The following QKI variants were observed in gnomAD, a reference collection of about 807,000 sequenced individuals.
The protein encoded by QKI is QKI, KH domain containing RNA binding.
Under a neutral mutation model 39.0 loss-of-function variants are expected in QKI, and 10 were observed. That is an observed-to-expected ratio of 0.26 (90% confidence interval 0.16 to 0.43). The LOEUF (loss-of-function observed/expected upper bound fraction) is 0.43, where lower values mean the gene tolerates loss of function less well. QKI is among the 20% of genes least tolerant of loss of function. The pLI is 1.00. For synonymous variants in QKI, 204 were observed against 155.4 expected, an observed-to-expected ratio of 1.31 and a Z score of -2.33; for missense variants, 218 against 428.0, an observed-to-expected ratio of 0.51 and a Z score of 4.33.
chr6:163,560,432 C>T (rs1471194846), intron 4 of QKI, among the ~76,000 whole-genome samples: 1 of 152,082 alleles, frequency 6.6e-6, no homozygotes, highest in Non-Finnish European at 1.5e-5. Context: ...AAGTGAGGAT[C>T]TACTGTAATC....
At chr6:163,420,144 C>G (rs1016923171) in intron 1 of QKI, among the ~76,000 whole-genome samples, 1 of 67,412 alleles carries the variant, frequency 1.5e-5, no homozygotes, top group Non-Finnish European at 3.4e-5. Context: ...AAGGGCTTTT[C>G]TTTTCTTTTC....
Position 163,417,670 on chromosome 6 carries a change from A to G in QKI, c.142+2335A>G, listed in dbSNP as rs537803221. ...TGCGTTTTAAATGTAAGAGACCACTATGATATCTCCTAGATAATGTTTGTT... is the reference window on the plus strand; with the variant it reads ...TGCGTTTTAAATGTAAGAGACCACTGTGATATCTCCTAGATAATGTTTGTT... On this transcript the variant is annotated intron_variant, in intron 1 of 7. Coordinates refer to ENST00000361752, the MANE Select transcript of QKI (RefSeq NM_006775.3). Among the ~76,000 whole-genome samples, 12 of 152,314 alleles carry G rather than the reference A, an allele frequency of 7.9e-5. No individual in the cohort carries two copies. In the South Asian group the frequency reaches 8.3e-4, roughly 11 times the overall value.
chr6:163,501,966 T>C (rs1341408189), intron 3 of QKI, among the ~76,000 whole-genome samples: 1 of 152,220 alleles, frequency 6.6e-6, no homozygotes, highest in African/African-American at 2.4e-5. Flanking sequence ...TTATGTGTCC[T>C]GTATGCTTTC....
chr6:163,538,811 C>T (rs979427790), intron 4 of QKI, among the ~76,000 whole-genome samples: 24 of 152,074 alleles, frequency 1.6e-4, no homozygotes, highest in African/African-American at 5.8e-4. Context: ...GAAGGTAAAA[C>T]TGCTAGGAAT....
intron 3 of QKI, among the ~76,000 whole-genome samples, chr6:163,509,129 C>G (rs1250497597): frequency 1.3e-5 from 2 of 152,082 alleles, no homozygotes; most frequent in Non-Finnish European, 2.9e-5. Context: ...CAGAGTGAGA[C>G]TCCGTCTCAG....
chr6:163,476,319 CT>C (rs1361222985), intron 2 of QKI, among the ~76,000 whole-genome samples: 6 of 138,728 alleles, frequency 4.3e-5, no homozygotes, highest in Admixed American at 1.4e-4. Flanking sequence ...GTCCTGTAGT[CT>C]TTTTTTTCTC....
intron 3 of QKI, among the ~76,000 whole-genome samples, chr6:163,506,169 A>AACT (rs1779083488): frequency 6.6e-6 from 1 of 151,928 alleles, no homozygotes; most frequent in Admixed American, 6.6e-5. Flanking sequence ...GAGTCAATTA[A>AACT]ACTACTTTTG....
intron 6 of QKI, chr6:163,563,924 T>C (rs1243637303): frequency 2.1e-6 from 3 of 1,406,418 alleles, no homozygotes; most frequent in Admixed American, 3.2e-5. Flanking sequence ...AGATCCACTT[T>C]GGTAACTGAG....
chr6:163,544,910 T>C (rs1052926874), intron 4 of QKI, among the ~76,000 whole-genome samples: 3 of 152,142 alleles, frequency 2.0e-5, no homozygotes, highest in African/African-American at 7.2e-5. Flanking sequence ...TAATCTTTAC[T>C]GGTCAGTATG....
At chr6:163,475,794 G>A (rs1054215070) in intron 2 of QKI, among the ~76,000 whole-genome samples, 3 of 152,262 alleles carry the variant, frequency 2.0e-5, no homozygotes, top group Admixed American at 6.5e-5. Context: ...AACACCAGAA[G>A]GTATCTTGGT....
At chr6:163,512,648 A>G (rs2128235437) in intron 3 of QKI, among the ~76,000 whole-genome samples, 1 of 152,260 alleles carries the variant, frequency 6.6e-6, no homozygotes, top group East Asian at 1.9e-4. Flanking sequence ...TCATTTAATT[A>G]TCTAATTATC....
intron 2 of QKI, among the ~76,000 whole-genome samples, chr6:163,467,831 G>A (rs1791885500): frequency 6.6e-6 from 1 of 152,112 alleles, no homozygotes; most frequent in Non-Finnish European, 1.5e-5. Context: ...GGTTTGAAAG[G>A]ATATGTTTTC....
chr6:163,543,101 TAATG>T (rs572227337), intron 4 of QKI, among the ~76,000 whole-genome samples: 88 of 152,208 alleles, frequency 5.8e-4, no homozygotes, highest in Non-Finnish European at 9.7e-4. Context: ...TGTTAAGAGT[TAATG>T]AATGAGAAGG....
intron 6 of QKI, chr6:163,566,074 G>T: frequency 6.4e-7 from 1 of 1,552,186 alleles, no homozygotes. Context: ...AGCAGTCAGT[G>T]ACTTACTTGC....
At chr6:163,475,823 G>T (rs1170592479) in intron 2 of QKI, among the ~76,000 whole-genome samples, 1 of 152,116 alleles carries the variant, frequency 6.6e-6, no homozygotes, top group Admixed American at 6.6e-5. Flanking sequence ...GGTGGGGAGA[G>T]ACTTCTTTTA....
At chr6:163,433,120 T>C (rs1357197927) in intron 1 of QKI, among the ~76,000 whole-genome samples, 2 of 152,266 alleles carry the variant, frequency 1.3e-5, no homozygotes. Flanking sequence ...ACATTTTACT[T>C]TATCAAAGTG....
intron 1 of QKI, among the ~76,000 whole-genome samples, chr6:163,439,975 G>T (rs1473664007): frequency 5.3e-5 from 8 of 152,100 alleles, no homozygotes. Context: ...AGTCCTCATG[G>T]ATGAGTAAAT....
intron 3 of QKI, among the ~76,000 whole-genome samples, chr6:163,520,538 G>T (rs1780086405): frequency 6.6e-6 from 1 of 151,984 alleles, no homozygotes; most frequent in Non-Finnish European, 1.5e-5. Flanking sequence ...AAAAAAAAAG[G>T]TGGTACGAGA....
intron 1 of QKI, among the ~76,000 whole-genome samples, chr6:163,450,069 C>CT (rs1562445597): frequency 6.6e-6 from 1 of 151,540 alleles, no homozygotes; most frequent in South Asian, 2.1e-4. Flanking sequence ...ATATGTATTT[C>CT]TTTTTTGAGA....
Sources: gnomAD v4.1 joint callset for allele counts (sites outside exome capture counted in the v4.1 genomes callset) on GRCh38, gnomAD v4.1.1 for gene constraint, MANE v1.5 for transcripts, NCBI Gene and HGNC (gene_info 2026-07-23, HGNC 2026-07-21) for gene names.